The following CTSD variants were observed in gnomAD, a reference collection of about 807,000 sequenced individuals.
The protein encoded by CTSD is cathepsin D, also known as ceroid-lipofuscinosis, neuronal 10.
A neutral mutation model predicts 43.6 loss-of-function variants in CTSD; 28 were observed. The observed-to-expected ratio is 0.64, with a 90% CI of 0.48 to 0.88. The LOEUF (loss-of-function observed/expected upper bound fraction) is 0.88, where lower values mean the gene tolerates loss of function less well. Ranked by LOEUF, CTSD falls within the 40% of genes least tolerant of loss-of-function variation. CTSD has a pLI of 0.00. For synonymous variants in CTSD, 270 were observed against 249.8 expected (o/e 1.08, Z -0.76); for missense variants, 485 against 555.2 (o/e 0.87, Z 1.27).
chr11:1,759,662 AG>A, intron 2 of CTSD, 23 bp from the exon 3 acceptor site: 1 of 1,603,388 alleles, frequency 6.2e-7, no homozygotes, highest in South Asian at 1.1e-5. Flanking sequence ...AGGGTCCGTC[AG>A]GGATGGGAGA....
In CTSD at chr11:1,753,291, G is replaced by T; in HGVS notation, c.*212C>A. The T allele has an allele frequency of 1.6e-6, 1 of 618,612 alleles. No homozygotes were observed. The highest frequency in any genetic ancestry group is 1.8e-5 in the South Asian group (1 of 55,554). 38.3% of individuals were successfully genotyped at this position (618,612 alleles called of 1,614,324 possible). On this transcript the variant is annotated 3_prime_UTR_variant, in exon 9 of 9. Transcript: ENST00000236671. ...CAGCTCTACCCCCACCAAACAGATG[G>T]AGAGACAGACAGGCAGGCAGCATTT...
In CTSD at chr11:1,759,561, G is replaced by A. The variant is rs750415207; in HGVS notation, c.307C>T (p.Leu103=). 6 of 1,613,494 alleles carry A rather than the reference G, an allele frequency of 3.7e-6. No homozygotes were observed. The highest frequency in any genetic ancestry group is 1.3e-5 in the African/African-American group (1 of 74,960). ...TTGCAGTGGATGGAGGGGACCCACA[G>A]GTTGGAGGAGCCCGTGTCGAAGACG... ...TVVFDTGSSN[L]WVPSIHCKLL... The change falls in exon 3 of 9, where the codon CTG becomes TTG. Residue 103 remains leucine, a synonymous_variant. Transcript: ENST00000236671.
intron 4 of CTSD, among the ~76,000 whole-genome samples, chr11:1,758,238 G>A (rs1590906776): frequency 6.6e-6 from 1 of 152,166 alleles, no homozygotes; most frequent in Non-Finnish European, 1.5e-5. Context: ...TCAGCTGGAG[G>A]AAGGGGCCCT....
At chr11:1,754,410 T>TAGAGGGATGGAGGGGAGGGAGGGGAG (rs1845772988) in intron 6 of CTSD, among the ~76,000 whole-genome samples, 1 of 60,276 alleles carries the variant, frequency 1.7e-5, no homozygotes. Flanking sequence ...ATGGAGGGGA[T>TAGAGGGATGGAGGGGAGGGAGGGGAG]GAAGGGATGG....
Position 1,759,588 on chromosome 11 carries a change from C to T in CTSD, c.280G>A (p.Val94Ile), listed in dbSNP as rs771539723. The change falls in exon 3 of 9, where the codon GTC becomes ATC. Residue 94 changes from valine (V) to isoleucine (I), a missense_variant. Transcript: ENST00000236671. ...TTGGAGGAGCCCGTGTCGAAGACGA[C>T]TGTGAAGCACTGGGGGGGCGTCCCG... ...GIGTPPQCFT[V>I]VFDTGSSNLW... 1 of 1,613,564 alleles carries T rather than the reference C, an allele frequency of 6.2e-7. No individual in the cohort carries two copies. Among genetic ancestry groups the T allele is most frequent in the South Asian group, 1.1e-5 (1 of 91,088 alleles).
chr11:1,761,554 C>T, intron 1 of CTSD, 86 bp from the exon 2 acceptor site: 1 of 1,467,490 alleles, frequency 6.8e-7, no homozygotes, highest in East Asian at 2.4e-5. Flanking sequence ...CCTGGAGGCC[C>T]CTGGGGAATC....
chr11:1,761,728 A>T lies in CTSD; in HGVS notation c.69-260T>A, dbSNP rs1052874048. The T allele has an allele frequency of 5.6e-6, 3 of 536,134 alleles. No individual in the cohort carries two copies. The African/African-American group carries it at 5.7e-5, about 10-fold the overall frequency. The allele number at this position is 536,134 out of a possible 1,614,324, so 33.2% of individuals were successfully genotyped here. A position where few individuals can be genotyped will look rare whatever the true frequency, so the allele number is the denominator to read the frequency against. On this transcript the variant is annotated intron_variant, in intron 1 of 8. Coordinates refer to ENST00000236671, the MANE Select transcript of CTSD (RefSeq NM_001909.5). ...CACCCACCTCAGCCCCACACACCCA[A>T]CCTGGGGGCCAGTGTGCCCAACCCT...
At chr11:1,756,142 G>A (rs1472215140) in intron 5 of CTSD, among the ~76,000 whole-genome samples, 1 of 147,472 alleles carries the variant, frequency 6.8e-6, no homozygotes, top group African/African-American at 2.5e-5. Flanking sequence ...CACTCATGCT[G>A]TGTGCCCCTC....
Position 1,758,900 on chromosome 11 carries a change from A to G in CTSD, c.471+69T>C, listed in dbSNP as rs899121170. 2.6e-6 allele frequency: 3 copies of G among 1,158,980 alleles called. No individual in the cohort carries two copies. In the African/African-American group the frequency reaches 4.6e-5, roughly 18 times the overall value. 71.8% of individuals were successfully genotyped at this position (1,158,980 alleles called of 1,614,324 possible). On this transcript the variant is annotated intron_variant, in intron 4 of 8. Transcript: ENST00000236671. ...TCACCGAGCCCTCCCTTTCAACCACATACCCACGGTGGGTGAACCCCACAC... is the reference window on the plus strand; with the variant it reads ...TCACCGAGCCCTCCCTTTCAACCACGTACCCACGGTGGGTGAACCCCACAC...
rs1845913637 is a variant in CTSD, at chr11:1,763,832, C to A, written c.28G>T (p.Ala10Ser). Reference protein sequence around the residue: MQPSSLLPLALCLLAAPASA... With the variant: MQPSSLLPLSLCLLAAPASA... The stretch of plus-strand genomic sequence containing the variant: ...GCGGGTGCAGCCAGCAGGCAGAGGG[C>A]GAGCGGCAGAAGGCTGGAGGGCTGC... The change falls in exon 1 of 9, where the codon GCC becomes TCC. Residue 10 changes from alanine to serine, a missense_variant. Transcript: ENST00000236671. 6.5e-7 allele frequency: 1 copy of A among 1,527,910 alleles called. No homozygotes were observed. Among genetic ancestry groups the A allele is most frequent in the Non-Finnish European group, 8.7e-7 (1 of 1,143,002 alleles). The allele number at this position is 1,527,910 out of a possible 1,614,324, so 94.6% of individuals were successfully genotyped here.
Position 1,753,381 on chromosome 11 carries a change from A to T in CTSD, c.*122T>A. ...AGTCGGGCTTGGGCCGCCGGCTTCC[A>T]GGGCGCCCAGGACAGTGGGCGGGCG... is the stretch of plus-strand genomic sequence containing the variant. On this transcript the variant is annotated 3_prime_UTR_variant, in exon 9 of 9. Transcript: ENST00000236671. 1 of 1,251,072 alleles carries T rather than the reference A, an allele frequency of 8.0e-7. No individual in the cohort carries two copies. Among genetic ancestry groups the T allele is most frequent in the Non-Finnish European group, 1.2e-6 (1 of 859,754 alleles). The allele number at this position is 1,251,072 out of a possible 1,614,324, so 77.5% of individuals were successfully genotyped here. A position where few individuals can be genotyped will look rare whatever the true frequency, so the allele number is the denominator to read the frequency against.
chr11:1,762,765 G>A (rs1177428809), intron 1 of CTSD, among the ~76,000 whole-genome samples: 4 of 152,180 alleles, frequency 2.6e-5, no homozygotes, highest in African/African-American at 2.4e-5. Flanking sequence ...TGGATAGGCT[G>A]GCAAGGTCAA....
rs1845751170 is a variant in CTSD, at chr11:1,753,384, G to A, written c.*119C>T. On this transcript the variant is annotated 3_prime_UTR_variant, in exon 9 of 9. Coordinates refer to ENST00000236671, the MANE Select transcript of CTSD (RefSeq NM_001909.5). ...CGGGCTTGGGCCGCCGGCTTCCAGG[G>A]CGCCCAGGACAGTGGGCGGGCGAGT... 7.9e-7 allele frequency: 1 copy of A among 1,271,548 alleles called. No individual in the cohort carries two copies. The highest frequency in any genetic ancestry group is 2.3e-5 in the East Asian group (1 of 42,996). The allele number at this position is 1,271,548 out of a possible 1,614,324, so 78.8% of individuals were successfully genotyped here. A position where few individuals can be genotyped will look rare whatever the true frequency, so the allele number is the denominator to read the frequency against.
intron 1 of CTSD, 178 bp downstream of exon 1, chr11:1,763,612 GGC>G (rs987686482): frequency 5.4e-6 from 3 of 557,678 alleles, no homozygotes; most frequent in Admixed American, 4.2e-5. Context: ...TCCGGAGCCC[GGC>G]GCCCCGTAGG....
intron 4 of CTSD, 54 bp downstream of exon 4, chr11:1,758,915 G>A (rs1257755772): frequency 2.3e-6 from 3 of 1,299,306 alleles, no homozygotes; most frequent in Non-Finnish European, 3.4e-6. Context: ...CACGGTGGGT[G>A]AACCCCACAC....
At position 1,754,140 on chromosome 11, in the gene CTSD, T is replaced by C; in HGVS notation, c.828-2A>G. 3 of 1,607,950 alleles carry C rather than the reference T, an allele frequency of 1.9e-6. No homozygotes were observed. The highest frequency in any genetic ancestry group is 2.5e-6 in the Non-Finnish European group (3 of 1,179,432). On this transcript the variant is annotated splice_acceptor_variant, in intron 6 of 8. Transcript: ENST00000236671. LOFTEE classifies it high-confidence loss of function. Reference sequence around the variant, plus strand: ...GTCAGCCCGCTGGCCACCTCCACCCTGCGGGGAGTCAGGGCGTGAAGCCCC... The same window carrying C: ...GTCAGCCCGCTGGCCACCTCCACCCCGCGGGGAGTCAGGGCGTGAAGCCCC...
intron 2 of CTSD, among the ~76,000 whole-genome samples, chr11:1,760,105 T>G (rs1281340293): frequency 6.6e-6 from 1 of 152,166 alleles, no homozygotes; most frequent in African/African-American, 2.4e-5. Flanking sequence ...TCTGGGTGTC[T>G]CAGTGCCTGC....
chr11:1,762,507 C>G (rs1011345577), intron 1 of CTSD: 1 of 152,232 alleles, frequency 6.6e-6, no homozygotes. Flanking sequence ...GCTGGCTTTT[C>G]CTGGCTTGTC....
chr11:1,753,969 C>T, intron 7 of CTSD, 25 bp downstream of exon 7: 1 of 1,606,500 alleles, frequency 6.2e-7, no homozygotes, highest in African/African-American at 1.3e-5. Flanking sequence ...CAGCCCCAGC[C>T]CCAGCCCCAG....
Sources: gnomAD v4.1 joint callset for allele counts (sites outside exome capture counted in the v4.1 genomes callset) on GRCh38, gnomAD v4.1.1 for gene constraint, MANE v1.5 for transcripts, NCBI Gene and HGNC (gene_info 2026-07-23, HGNC 2026-07-21) for gene names.